Variants in NPHS2 observed in about 807,000 individuals in gnomAD.
NPHS2 encodes NPHS2 stomatin family member, podocin.
In NPHS2, 36 loss-of-function variants were observed where a neutral mutation model predicts 37.1. That is an observed-to-expected ratio of 0.97 (90% CI 0.74 to 1.28). The LOEUF is 1.28. Ranked by LOEUF, NPHS2 falls within the 50% of genes most tolerant of loss-of-function variation. The pLI is 0.00. For missense variants in NPHS2, 447 were observed against 488.1 expected (o/e 0.92, Z 0.79); for synonymous variants, 196 against 189.3 (o/e 1.04, Z -0.29).
chr1:179,561,182 A>G (rs1674121885), intron 3 of NPHS2, 107 bp downstream of exon 3: 2 of 827,180 alleles, frequency 2.4e-6, no homozygotes, highest in South Asian at 2.7e-5. Flanking sequence ...GATATCATGA[A>G]TCAAGTTACT....
intron 6 of NPHS2, among the ~76,000 whole-genome samples, chr1:179,553,865 C>T (rs12736279): frequency 0.2 from 30,593 of 151,640 alleles, 3,758 homozygotes; most frequent in Non-Finnish European, 0.27. Flanking sequence ...CCTGCCTCAG[C>T]CTCCTGAGTA....
At chr1:179,574,349 TCCTCATCTGTGA>T (rs1194165785) in intron 1 of NPHS2, among the ~76,000 whole-genome samples, 1 of 152,228 alleles carries the variant, frequency 6.6e-6, no homozygotes, top group African/African-American at 2.4e-5. Flanking sequence ...AGAGCATGTT[TCCTCATCTGTGA>T]TAAGAGGATG....
chr1:179,573,089 C>T (rs1476869521), intron 1 of NPHS2, among the ~76,000 whole-genome samples: 4 of 152,140 alleles, frequency 2.6e-5, no homozygotes, highest in Non-Finnish European at 5.9e-5. Context: ...ACCTCAGCCT[C>T]CCTAAGTGCT....
At chr1:179,573,710 A>G (rs778713342) in intron 1 of NPHS2, among the ~76,000 whole-genome samples, 25 of 152,252 alleles carry the variant, frequency 1.6e-4, no homozygotes, top group Non-Finnish European at 3.4e-4. Flanking sequence ...GTAAAAATAA[A>G]TAAATGCATA....
In NPHS2 at chr1:179,557,147, A is replaced by G. The variant is rs1340322354; in HGVS notation, c.618T>C (p.Ser206=). The G allele has an allele frequency of 1.2e-6, 2 of 1,614,086 alleles. No homozygotes were observed. The highest frequency in any genetic ancestry group is 1.1e-5 in the South Asian group (1 of 91,084). Reference sequence around the variant, plus strand: ...GCACAGCTTTAGATACATGAGCAAGACTGCTTAGGAGAAGAGAGGCATTTT... The same window carrying G: ...GCACAGCTTTAGATACATGAGCAAGGCTGCTTAGGAGAAGAGAGGCATTTT... The part of the protein sequence containing the change: ...RMENASLLLS[S]LAHVSKAVQF... The change falls in exon 5 of 8, where the codon AGT becomes AGC. Residue 206 remains serine, a synonymous_variant. Coordinates refer to ENST00000367615, the MANE Select transcript of NPHS2 (RefSeq NM_014625.4).
chr1:179,559,067 C>A (rs894531997), intron 4 of NPHS2, among the ~76,000 whole-genome samples: 2 of 152,140 alleles, frequency 1.3e-5, no homozygotes, highest in Non-Finnish European at 2.9e-5. Context: ...AAAGAATTGG[C>A]TCATGTGCTT....
intron 7 of NPHS2, chr1:179,552,310 C>T: frequency 2.1e-6 from 1 of 471,472 alleles, no homozygotes; most frequent in East Asian, 4.1e-5. Flanking sequence ...GATGCCAGCA[C>T]TAGAGAAGAG....
intron 3 of NPHS2, among the ~76,000 whole-genome samples, chr1:179,560,246 A>C (rs1269802957): frequency 1.3e-5 from 2 of 152,214 alleles, no homozygotes; most frequent in South Asian, 2.1e-4. Context: ...AGCAATTATC[A>C]TGATACCAGC....
chr1:179,574,958 T>A (rs1019343432), intron 1 of NPHS2, among the ~76,000 whole-genome samples: 16 of 152,202 alleles, frequency 1.1e-4, no homozygotes, highest in African/African-American at 3.9e-4. Context: ...TTGTGCAAAG[T>A]GCTTTGGATG....
intron 1 of NPHS2, among the ~76,000 whole-genome samples, chr1:179,572,004 C>T (rs1674582166): frequency 6.6e-6 from 1 of 152,216 alleles, no homozygotes; most frequent in Non-Finnish European, 1.5e-5. Context: ...AGGGAAATCC[C>T]CCGACCCCTT....
intron 1 of NPHS2, among the ~76,000 whole-genome samples, chr1:179,571,254 G>GA (rs1399388701): frequency 2.0e-5 from 3 of 152,210 alleles, no homozygotes; most frequent in African/African-American, 7.2e-5. Context: ...TTTTGGCATA[G>GA]ATGACCTTTT....
Position 179,556,508 on chromosome 1 carries a change from C to A in NPHS2, c.738+519G>T, listed in dbSNP as rs962738615. Among the ~76,000 whole-genome samples the A allele has an allele frequency of 3.9e-5, 6 of 152,174 alleles. No individual in the cohort carries two copies. Among genetic ancestry groups the A allele is most frequent in the Non-Finnish European group, 8.8e-5 (6 of 68,044 alleles). On this transcript the variant is annotated intron_variant, in intron 5 of 7. Coordinates refer to ENST00000367615, the MANE Select transcript of NPHS2 (RefSeq NM_014625.4). This position sits in a 1 kb window ranked among gnomAD's most constrained non-coding sequence, Gnocchi z 4.1. ...TTGTGAAGCAGTTCTTGCTCTTTCC[C>A]CTCTAATTCCAAATTGATTAAATCT... is the stretch of plus-strand genomic sequence containing the variant.
In NPHS2 at chr1:179,557,522, C is replaced by A. The variant is rs1673982536; in HGVS notation, c.535-292G>T. Among the ~76,000 whole-genome samples, 4 of 152,132 alleles carry A rather than the reference C, an allele frequency of 2.6e-5. 1 individual carries two copies. The South Asian group carries it at 8.3e-4, about 32-fold the overall frequency. On this transcript the variant is annotated intron_variant, in intron 4 of 7. Coordinates refer to ENST00000367615, the MANE Select transcript of NPHS2 (RefSeq NM_014625.4). ...AAACCAGGTCTTTCTAAACTGATACCAAAATAAAGCATCTGCTAAAAGAGA... is the reference window on the plus strand; with the variant it reads ...AAACCAGGTCTTTCTAAACTGATACAAAAATAAAGCATCTGCTAAAAGAGA...
In NPHS2 at chr1:179,559,390, AT is replaced by A. The variant is rs138032414; in HGVS notation, c.534+288del. Among the ~76,000 whole-genome samples the A allele has an allele frequency of 2.1e-3, 325 of 152,282 alleles. 5 individuals carry two copies. Among genetic ancestry groups the A allele is most frequent in the African/African-American group, 7.3e-3 (304 of 41,570 alleles). On this transcript the variant is annotated intron_variant, in intron 4 of 7. Coordinates refer to ENST00000367615, the MANE Select transcript of NPHS2 (RefSeq NM_014625.4). The stretch of plus-strand genomic sequence containing the variant: ...TTAACTATCACAAAGTTCTTTGCCC[AT>A]TTTTAAAATCAGGTTGTTTACTTTT...
Position 179,551,318 on chromosome 1 carries a change from G to A in NPHS2, c.1007C>T (p.Ser336Phe). Residue 336 changes from serine to phenylalanine, a missense_variant, in exon 8 of 8, where the codon TCC becomes TTC. Ser to Phe is a radical substitution (Grantham distance 155). Coordinates refer to ENST00000367615, the MANE Select transcript of NPHS2 (RefSeq NM_014625.4). The stretch of plus-strand genomic sequence containing the variant: ...AAATGGCAAAGGTAAAACCACAGTG[G>A]AAGGCTTCTCTGTGGACAGAGACTG... ...TLQSLSTEKP[S>F]TVVLPLPFDL... The A allele has an allele frequency of 6.2e-7, 1 of 1,614,176 alleles. No individual in the cohort carries two copies. Among genetic ancestry groups the A allele is most frequent in the East Asian group, 2.2e-5 (1 of 44,882 alleles).
At chr1:179,574,899 CCT>C (rs1160145821) in intron 1 of NPHS2, among the ~76,000 whole-genome samples, 1 of 152,206 alleles carries the variant, frequency 6.6e-6, no homozygotes, top group African/African-American at 2.4e-5. Flanking sequence ...ATCTAATTTT[CCT>C]CTCTCTTAGC....
chr1:179,575,462 C>G, intron 1 of NPHS2, 129 bp downstream of exon 1: 2 of 1,310,820 alleles, frequency 1.5e-6, no homozygotes, highest in Admixed American at 1.9e-5. Flanking sequence ...CCTTCCGTTC[C>G]TGGGAACCTG....
chr1:179,563,557 A>G (rs567078389), intron 2 of NPHS2, among the ~76,000 whole-genome samples: 18 of 152,348 alleles, frequency 1.2e-4, no homozygotes, highest in African/African-American at 3.4e-4. Flanking sequence ...AGGATAGATA[A>G]TATGCTAGGC....
At chr1:179,574,514 G>T (rs973485501) in intron 1 of NPHS2, among the ~76,000 whole-genome samples, 7 of 152,124 alleles carry the variant, frequency 4.6e-5, no homozygotes, top group African/African-American at 1.7e-4. Context: ...CCTCAGCATT[G>T]AACCCAGCAA....
Sources: gnomAD v4.1 joint callset for allele counts (sites outside exome capture counted in the v4.1 genomes callset) on GRCh38, gnomAD v4.1.1 for gene constraint, Gnocchi (gnomAD v3.1) non-coding constraint, MANE v1.5 for transcripts, NCBI Gene and HGNC (gene_info 2026-07-23, HGNC 2026-07-21) for gene names.